The following GRIN2B variants were observed in gnomAD, a reference collection of about 807,000 sequenced individuals.
GRIN2B encodes glutamate ionotropic receptor NMDA type subunit 2B.
Under a neutral mutation model 114.5 loss-of-function variants are expected in GRIN2B, and 5 were observed. That is an observed-to-expected ratio of 0.04 (90% confidence interval 0.02 to 0.09). GRIN2B has a LOEUF of 0.09. Among genes scored for constraint, GRIN2B ranks in the 10% least tolerant of loss-of-function variants. The pLI is 1.00. For missense variants in GRIN2B, 1,108 were observed against 1,943.5 expected (o/e 0.57, Z 8.08); for synonymous variants, 787 against 745.1 (o/e 1.06, Z -0.92).
At chr12:13,672,603 G>A (rs1388410139) in intron 5 of GRIN2B, among the ~76,000 whole-genome samples, 2 of 152,132 alleles carry the variant, frequency 1.3e-5, no homozygotes, top group Non-Finnish European at 2.9e-5. Flanking sequence ...GCCCACAGGT[G>A]AGCCCTAATA....
At chr12:13,840,581 A>AAGCTGAACGG (rs1865360656) in intron 3 of GRIN2B, among the ~76,000 whole-genome samples, 1 of 152,218 alleles carries the variant, frequency 6.6e-6, no homozygotes, top group Non-Finnish European at 1.5e-5. Flanking sequence ...AAGATCATTA[A>AAGCTGAACGG]TGTCATATGT....
intron 2 of GRIN2B, among the ~76,000 whole-genome samples, chr12:13,904,543 G>C (rs1460878576): frequency 6.6e-6 from 1 of 151,916 alleles, no homozygotes; most frequent in African/African-American, 2.4e-5. Flanking sequence ...TAATCATTTA[G>C]TTTCCCATTT....
intron 3 of GRIN2B, among the ~76,000 whole-genome samples, chr12:13,855,939 A>C (rs1446365643): frequency 6.6e-6 from 1 of 152,182 alleles, no homozygotes; most frequent in Non-Finnish European, 1.5e-5. Flanking sequence ...TGTGCTAGGA[A>C]GACGAAATTA....
At chr12:13,700,655 T>C (rs1313681721) in intron 4 of GRIN2B, among the ~76,000 whole-genome samples, 2 of 152,174 alleles carry the variant, frequency 1.3e-5, no homozygotes, top group African/African-American at 2.4e-5. Context: ...ACCAGGCATA[T>C]GAGTACCCCA....
intron 2 of GRIN2B, among the ~76,000 whole-genome samples, chr12:13,965,973 T>C (rs1294387432): frequency 1.3e-5 from 2 of 152,192 alleles, no homozygotes; most frequent in Non-Finnish European, 2.9e-5. Context: ...GACTTTCTCA[T>C]CTAGGAGAGC....
intron 4 of GRIN2B, among the ~76,000 whole-genome samples, chr12:13,719,690 C>G (rs1324587436): frequency 3.3e-5 from 5 of 152,068 alleles, no homozygotes; most frequent in African/African-American, 1.2e-4. Flanking sequence ...CTTTTTGCAT[C>G]TTTACATTGA....
chr12:13,768,907 G>A (rs56194014), intron 3 of GRIN2B, among the ~76,000 whole-genome samples: 2,433 of 152,156 alleles, frequency 0.016, 69 homozygotes, highest in African/African-American at 0.055. Flanking sequence ...GGTGGCAGGC[G>A]CCGGTAGCCC....
intron 3 of GRIN2B, among the ~76,000 whole-genome samples, chr12:13,843,585 A>G (rs1389924430): frequency 6.6e-6 from 1 of 152,214 alleles, no homozygotes; most frequent in Non-Finnish European, 1.5e-5. Context: ...GAAGATTAGC[A>G]CAATTTAATT....
chr12:13,906,329 G>A (rs1484931121), intron 2 of GRIN2B, among the ~76,000 whole-genome samples: 1 of 152,108 alleles, frequency 6.6e-6, no homozygotes, highest in Non-Finnish European at 1.5e-5. Flanking sequence ...GTCCTCCTAT[G>A]TCAAAGCTTA....
At chr12:13,590,920 G>A (rs1166255677) in intron 10 of GRIN2B, among the ~76,000 whole-genome samples, 1 of 152,102 alleles carries the variant, frequency 6.6e-6, no homozygotes, top group Non-Finnish European at 1.5e-5. Context: ...AAAAGACACA[G>A]ATTCAGAAAT....
rs375203645 is a variant in GRIN2B, at chr12:13,903,851, T to C, written c.-18-37625A>G. On this transcript the variant is annotated intron_variant, in intron 2 of 13. Transcript: ENST00000609686. ...ATTTCTCATTATACAACTGTTAACT[T>C]TGATATTATATACTTTGAGATTTGC... Among the ~76,000 whole-genome samples, 156 of 152,168 alleles carry C rather than the reference T, an allele frequency of 1.0e-3. 2 individuals are homozygous for C. The South Asian group carries it at 0.026, about 25-fold the overall frequency.
intron 2 of GRIN2B, among the ~76,000 whole-genome samples, chr12:13,882,333 G>A (rs1866084174): frequency 6.6e-6 from 1 of 152,118 alleles, no homozygotes; most frequent in African/African-American, 2.4e-5. Context: ...GAATTTGTCT[G>A]GATAAACGGA....
chr12:13,770,972 C>A (rs1009955743), intron 3 of GRIN2B, among the ~76,000 whole-genome samples: 3 of 152,164 alleles, frequency 2.0e-5, no homozygotes, highest in African/African-American at 7.2e-5. Context: ...CTGTAGCCAC[C>A]ACTTCACAAT....
chr12:13,619,266 G>A (rs1157948260), intron 5 of GRIN2B, among the ~76,000 whole-genome samples: 1 of 152,184 alleles, frequency 6.6e-6, no homozygotes, highest in African/African-American at 2.4e-5. Flanking sequence ...GCATTTTGAT[G>A]TTTTAAAAAG....
chr12:13,539,563 C>T lies in GRIN2B; in HGVS notation c.*23220G>A, dbSNP rs1440018116. ...TGGGAGTGGGGTGGGAAACAATCAG[C>T]AAAACAAGGGCTGGTTTGCTTTTCT... is the stretch of plus-strand genomic sequence containing the variant. On this transcript the variant is annotated 3_prime_UTR_variant, in exon 14 of 14. Transcript: ENST00000609686. The T allele has an allele frequency of 6.6e-6, 1 of 152,088 alleles. No homozygotes were observed. Among genetic ancestry groups the T allele is most frequent in the Non-Finnish European group, 1.5e-5 (1 of 68,000 alleles). The allele number at this position is 152,088 out of a possible 1,614,324, so 9.4% of individuals were successfully genotyped here.
chr12:13,838,997 C>T (rs1362703208), intron 3 of GRIN2B, among the ~76,000 whole-genome samples: 3 of 152,220 alleles, frequency 2.0e-5, no homozygotes, highest in Admixed American at 6.5e-5. Context: ...AGCAAGGCCC[C>T]CAGTGCCTGA....
intron 2 of GRIN2B, among the ~76,000 whole-genome samples, chr12:13,909,989 A>G (rs927884220): frequency 6.6e-6 from 1 of 152,238 alleles, no homozygotes; most frequent in African/African-American, 2.4e-5. Flanking sequence ...ATATTTACCT[A>G]GACAAACTAA....
chr12:13,635,743 A>G (rs987087981), intron 5 of GRIN2B, among the ~76,000 whole-genome samples: 6 of 152,152 alleles, frequency 3.9e-5, no homozygotes, highest in Non-Finnish European at 8.8e-5. Flanking sequence ...ATGAGTGTGT[A>G]TTGGAGTTTC....
intron 9 of GRIN2B, among the ~76,000 whole-genome samples, chr12:13,610,365 C>T (rs537790772): frequency 3.9e-5 from 6 of 152,264 alleles, no homozygotes; most frequent in Admixed American, 2.6e-4. Context: ...TCTGGATTTT[C>T]GGCTCCTGTT....
Sources: gnomAD v4.1 joint callset for allele counts (sites outside exome capture counted in the v4.1 genomes callset) on GRCh38, gnomAD v4.1.1 for gene constraint, MANE v1.5 for transcripts, NCBI Gene and HGNC (gene_info 2026-07-23, HGNC 2026-07-21) for gene names.